NELL1: variants seen among roughly 807,000 people sequenced by gnomAD.
The protein encoded by NELL1 is protein kinase C-binding protein NELL1.
Under a neutral mutation model 107.4 loss-of-function variants are expected in NELL1, and 76 were observed. The ratio of observed to expected loss-of-function variants is 0.71; its 90% CI spans 0.59 to 0.86. NELL1 has a LOEUF of 0.86. NELL1 is among the 40% of genes least tolerant of loss of function. The probability of loss-of-function intolerance (pLI) is 0.00; values close to 1 mark genes in which losing one functional copy is unlikely to be tolerated. For synonymous variants in NELL1, 353 were observed against 341.2 expected, an observed-to-expected ratio of 1.03 and a Z score of -0.38; for missense variants, 1,024 against 1,005.5, an observed-to-expected ratio of 1.02 and a Z score of -0.25.
chr11:21,077,507 G>A (rs1033594447), intron 12 of NELL1, among the ~76,000 whole-genome samples: 1 of 151,930 alleles, frequency 6.6e-6, no homozygotes, highest in Admixed American at 6.6e-5. Context: ...CTTTGGGAGG[G>A]CGAGGCAGGT....
At chr11:20,806,252 T>TTGTGTGTG (rs3045512) in intron 3 of NELL1, among the ~76,000 whole-genome samples, 2 of 148,586 alleles carry the variant, frequency 1.3e-5, no homozygotes, top group African/African-American at 4.9e-5. Context: ...TGTGAAGCAT[T>TTGTGTGTG]TGTGTGTGTG....
At chr11:21,082,370 C>T (rs567370517) in intron 12 of NELL1, among the ~76,000 whole-genome samples, 115 of 152,272 alleles carry the variant, frequency 7.6e-4, no homozygotes, top group African/African-American at 2.6e-3. Flanking sequence ...TATTTACATA[C>T]ATTTCTCAGC....
intron 13 of NELL1, among the ~76,000 whole-genome samples, chr11:21,211,451 TTAA>T (rs1857495530): frequency 6.6e-6 from 1 of 152,078 alleles, no homozygotes; most frequent in South Asian, 2.1e-4. Flanking sequence ...GAGAGTAATG[TTAA>T]TAATGTTTGT....
chr11:20,848,884 T>C (rs565691269), intron 4 of NELL1, among the ~76,000 whole-genome samples: 3 of 152,334 alleles, frequency 2.0e-5, no homozygotes, highest in African/African-American at 7.2e-5. Context: ...TGGTCCATTT[T>C]GATATGACCT....
At chr11:20,792,341 TA>T (rs1034699288) in intron 3 of NELL1, among the ~76,000 whole-genome samples, 1 of 152,010 alleles carries the variant, frequency 6.6e-6, no homozygotes, top group African/African-American at 2.4e-5. Flanking sequence ...GGAATCTCCA[TA>T]ATAGTGGTAA....
At chr11:21,098,543 C>T (rs1437617051) in intron 12 of NELL1, among the ~76,000 whole-genome samples, 1 of 152,174 alleles carries the variant, frequency 6.6e-6, no homozygotes, top group East Asian at 1.9e-4. Context: ...ACCTACCTGG[C>T]TCTGTCCTAC....
chr11:20,688,019 C>T (rs1358338627), intron 2 of NELL1, among the ~76,000 whole-genome samples: 3 of 149,084 alleles, frequency 2.0e-5, no homozygotes, highest in African/African-American at 7.5e-5. Context: ...CAAGAAGTAT[C>T]ACTAACCATA....
chr11:21,322,552 G>C (rs1850036849), intron 14 of NELL1, among the ~76,000 whole-genome samples: 1 of 151,994 alleles, frequency 6.6e-6, no homozygotes, highest in Non-Finnish European at 1.5e-5. Context: ...TCAGAAAATG[G>C]TATAAAATGC....
chr11:21,169,708 G>A, intron 13 of NELL1: 1 of 681,912 alleles, frequency 1.5e-6, no homozygotes. Flanking sequence ...TAATTCCTTG[G>A]TCATCTTTTG....
chr11:21,349,047 T>C (rs1203540400), intron 14 of NELL1, among the ~76,000 whole-genome samples: 1 of 152,086 alleles, frequency 6.6e-6, no homozygotes, highest in Non-Finnish European at 1.5e-5. Context: ...CCAACACTAA[T>C]GAGATGTAGA....
chr11:21,170,324 A>T (rs1856577043), intron 13 of NELL1, among the ~76,000 whole-genome samples: 1 of 151,664 alleles, frequency 6.6e-6, no homozygotes, highest in Non-Finnish European at 1.5e-5. Context: ...TGAGGCTGTG[A>T]TGAGAGAATT....
At chr11:20,812,901 G>A (rs926033414) in intron 3 of NELL1, among the ~76,000 whole-genome samples, 4 of 150,160 alleles carry the variant, frequency 2.7e-5, no homozygotes, top group Admixed American at 6.7e-5. Context: ...CCAGCTACTC[G>A]GGAGGCTGAG....
intron 15 of NELL1, among the ~76,000 whole-genome samples, chr11:21,378,397 T>C (rs1465349964): frequency 1.3e-5 from 2 of 151,688 alleles, no homozygotes; most frequent in East Asian, 1.9e-4. Flanking sequence ...GTACTTAGGG[T>C]TTACTGTGAT....
chr11:21,165,893 G>C (rs549392320), intron 13 of NELL1, among the ~76,000 whole-genome samples: 1 of 150,600 alleles, frequency 6.6e-6, no homozygotes, highest in African/African-American at 2.5e-5. Context: ...CTCCCGAGTA[G>C]CTGGGTGCCC....
intron 13 of NELL1, among the ~76,000 whole-genome samples, chr11:21,147,138 A>C (rs1254421282): frequency 6.6e-6 from 1 of 151,932 alleles, no homozygotes; most frequent in African/African-American, 2.4e-5. Context: ...TTTCCTTAGA[A>C]CCCCTTTTAG....
intron 15 of NELL1, among the ~76,000 whole-genome samples, chr11:21,502,164 C>G (rs1043467059): frequency 5.3e-5 from 8 of 152,078 alleles, no homozygotes; most frequent in African/African-American, 1.9e-4. Flanking sequence ...TGATTAAAAT[C>G]CACACAGAAT....
At position 20,928,470 on chromosome 11, in the gene NELL1, G is replaced by A. The variant is rs757768975; in HGVS notation, c.988G>A (p.Val330Ile). 1 of 1,613,396 alleles carries A rather than the reference G, an allele frequency of 6.2e-7. No individual in the cohort carries two copies. The highest frequency in any genetic ancestry group is 8.5e-7 in the Non-Finnish European group (1 of 1,179,420). Residue 330 changes from valine (V) to isoleucine (I), a missense_variant, in exon 9 of 20, where the codon GTC becomes ATC. By Grantham distance (29) the Val-to-Ile change is conservative. Transcript: ENST00000357134. ...GCACATTGCTGGCCAGTGCTGTAAGGTCTGCCGACGTAAGTACTGACTGAG... is the reference window on the plus strand; with the variant it reads ...GCACATTGCTGGCCAGTGCTGTAAGATCTGCCGACGTAAGTACTGACTGAG... ...PVHIAGQCCKVCRPKCIYGGK... is the reference protein window; with the variant it reads ...PVHIAGQCCKICRPKCIYGGK...
At chr11:20,984,067 C>A (rs765101259) in intron 12 of NELL1, among the ~76,000 whole-genome samples, 13 of 152,014 alleles carry the variant, frequency 8.6e-5, no homozygotes, top group Non-Finnish European at 1.8e-4. Context: ...GGTTAGTTAC[C>A]ACCTTCTCAG....
intron 14 of NELL1, among the ~76,000 whole-genome samples, chr11:21,314,299 A>G (rs1253915587): frequency 6.6e-6 from 1 of 152,150 alleles, no homozygotes; most frequent in Non-Finnish European, 1.5e-5. Flanking sequence ...ATTAAGTTTC[A>G]AAATGAGTTT....
Sources: allele counts gnomAD v4.1 joint callset (sites outside exome capture counted in the v4.1 genomes callset), GRCh38; gene constraint gnomAD v4.1.1; transcripts MANE v1.5; gene names NCBI Gene and HGNC (gene_info 2026-07-23, HGNC 2026-07-21).